The following SRGAP2 variants were observed in gnomAD, a reference collection of about 807,000 sequenced individuals.
SRGAP2 encodes SLIT-ROBO Rho GTPase activating protein 2, also known as SLIT-ROBO Rho GTPase-activating protein 2.
A neutral mutation model predicts 57.2 loss-of-function variants in SRGAP2; 15 were observed. The ratio of observed to expected loss-of-function variants is 0.26; its 90% confidence interval spans 0.18 to 0.40. The LOEUF (loss-of-function observed/expected upper bound fraction) is 0.40. Among genes scored for constraint, SRGAP2 ranks in the 10% least tolerant of loss-of-function variants. The pLI, the probability that SRGAP2 is intolerant of heterozygous loss-of-function variation, is 1.00. For synonymous variants in SRGAP2, 249 were observed against 248.0 expected (o/e 1.00, Z -0.04); for missense variants, 520 against 669.6 (o/e 0.78, Z 2.47).
chr1:206,417,143 A>C (rs1659799482), intron 11 of SRGAP2, among the ~76,000 whole-genome samples: 1 of 134,722 alleles, frequency 7.4e-6, no homozygotes, highest in East Asian at 2.1e-4. Context: ...TTGCTATGTC[A>C]CCCAGGCTGG....
At position 206,303,920 on chromosome 1, in the gene SRGAP2, T is replaced by A. The variant is rs1237219531; in HGVS notation, c.260+447T>A. On this transcript the variant is annotated intron_variant, in intron 3 of 22. Transcript: ENST00000573034. Reference sequence around the variant, plus strand: ...CACACACACACACACACACACACACTCACACTCACACACCCCTAGTAAATA... The same window carrying A: ...CACACACACACACACACACACACACACACACTCACACACCCCTAGTAAATA... Among the ~76,000 whole-genome samples the A allele has an allele frequency of 9.2e-3, 1,324 of 143,914 alleles. 6 individuals are homozygous for A. Among genetic ancestry groups the A allele is most frequent in the African/African-American group, 0.032 (1,261 of 39,376 alleles). The allele number at this position is 143,914 out of a possible 152,430, so 94.4% of individuals were successfully genotyped here.
chr1:206,436,528 A>AT (rs570151141), intron 14 of SRGAP2, among the ~76,000 whole-genome samples: 44 of 151,372 alleles, frequency 2.9e-4, no homozygotes, highest in Non-Finnish European at 5.0e-4. Flanking sequence ...CTACTTTAAA[A>AT]CATTTTTTAG....
At chr1:206,226,764 G>A (rs1667296396) in intron 2 of SRGAP2, among the ~76,000 whole-genome samples, 1 of 152,194 alleles carries the variant, frequency 6.6e-6, no homozygotes, top group Non-Finnish European at 1.5e-5. Flanking sequence ...GTTTGTTAAA[G>A]TGAATCACCT....
At chr1:206,303,886 T>TCACACACACACACA (rs1376040852) in intron 3 of SRGAP2, among the ~76,000 whole-genome samples, 5 of 132,874 alleles carry the variant, frequency 3.8e-5, no homozygotes, top group African/African-American at 1.7e-4. Flanking sequence ...TCTCTCTCTC[T>TCACACACACACACA]CTCACACACA....
Position 206,284,150 on chromosome 1 carries a change from G to A in SRGAP2, c.68-19131G>A, listed in dbSNP as rs1274640683. ...TTAAGTTTTGTTTCTACATGGTAGC[G>A]GTTACCACAGAGAGTTTCAACTGCA... On this transcript the variant is annotated intron_variant, in intron 2 of 22. Transcript: ENST00000573034. Among the ~76,000 whole-genome samples the A allele has an allele frequency of 6.6e-3, 982 of 149,328 alleles. 13 individuals are homozygous for A. The highest frequency in any genetic ancestry group is 0.023 in the African/African-American group (948 of 40,746).
intron 2 of SRGAP2, among the ~76,000 whole-genome samples, chr1:206,234,595 G>A (rs1307635452): frequency 6.6e-6 from 1 of 152,214 alleles, no homozygotes; most frequent in Non-Finnish European, 1.5e-5. Context: ...AGCAAAGCTG[G>A]GTACCTGAAT....
chr1:206,369,332 T>C lies in SRGAP2; in HGVS notation c.424-14682T>C, dbSNP rs532896032. On this transcript the variant is annotated intron_variant, in intron 4 of 22. Coordinates refer to ENST00000573034, the MANE Select transcript of SRGAP2 (RefSeq NM_015326.5). ...AAAATATAGGTGTAAGTCTTCGTGA[T>C]CTTGGATTAGGCAATGATTTCTTAC... Among the ~76,000 whole-genome samples the C allele has an allele frequency of 2.6e-5, 4 of 152,090 alleles. No homozygotes were observed. In the East Asian group the frequency reaches 5.8e-4, roughly 22 times the overall value.
At chr1:206,440,338 A>G (rs1662163610) in intron 17 of SRGAP2, among the ~76,000 whole-genome samples, 1 of 152,212 alleles carries the variant, frequency 6.6e-6, no homozygotes, top group African/African-American at 2.4e-5. Flanking sequence ...GAAGAAAAAT[A>G]AAAAAGAGTA....
rs201888099 is a variant in SRGAP2, at chr1:206,440,026, G to T, written c.1819G>T (p.Val607Phe). Residue 607 changes from valine to phenylalanine, a missense_variant, in exon 17 of 23, where the codon GTC becomes TTC. Around this residue, in one of 5 missense-constraint regions of SRGAP2, gnomAD observed 478 missense variants for 373.6 expected, o/e 1.28. Coordinates refer to ENST00000573034, the MANE Select transcript of SRGAP2 (RefSeq NM_015326.5). ...RALHIRKVLL[V>F]LPKTTLIIMR... ...TCTGCACATCCGGAAAGTCCTCCTAGTCCTGCCCAAAACCACTCTGATTAT... is the reference window on the plus strand; with the variant it reads ...TCTGCACATCCGGAAAGTCCTCCTATTCCTGCCCAAAACCACTCTGATTAT... 1.5e-5 allele frequency: 12 copies of T among 780,880 alleles called. No homozygotes were observed. Among genetic ancestry groups the T allele is most frequent in the Non-Finnish European group, 2.6e-5 (11 of 417,974 alleles). The allele number at this position is 780,880 out of a possible 1,614,324, so 48.4% of individuals were successfully genotyped here. A position where few individuals can be genotyped will look rare whatever the true frequency, so the allele number is the denominator to read the frequency against.
In SRGAP2 at chr1:206,421,860, T is replaced by G. The variant is rs554507547; in HGVS notation, c.1494+586T>G. On this transcript the variant is annotated intron_variant, in intron 13 of 22. Transcript: ENST00000573034. ...GGCAGCCAGCTCTCATTACCCATATTAGGAGGGCTCTTAGAGAGCAGTGGC... is the reference window on the plus strand; with the variant it reads ...GGCAGCCAGCTCTCATTACCCATATGAGGAGGGCTCTTAGAGAGCAGTGGC... Among the ~76,000 whole-genome samples the G allele has an allele frequency of 2.6e-5, 4 of 152,350 alleles. No homozygotes were observed. The South Asian group carries it at 8.3e-4, about 32-fold the overall frequency.
intron 2 of SRGAP2, among the ~76,000 whole-genome samples, chr1:206,212,398 A>AT (rs1178483354): frequency 5.2e-5 from 5 of 95,926 alleles, no homozygotes; most frequent in Admixed American, 1.1e-4. Context: ...CAGGCTGGTT[A>AT]TTTTTTTTTT....
chr1:206,304,161 GATC>G (rs1204146060), intron 3 of SRGAP2, among the ~76,000 whole-genome samples: 4 of 150,250 alleles, frequency 2.7e-5, no homozygotes, highest in African/African-American at 9.9e-5. Flanking sequence ...CCCTAGTTTA[GATC>G]ATCATCTTTT....
intron 5 of SRGAP2, among the ~76,000 whole-genome samples, chr1:206,388,991 T>C (rs1553349435): frequency 2.7e-5 from 4 of 150,698 alleles, no homozygotes; most frequent in African/African-American, 9.8e-5. Context: ...CTAGACCATC[T>C]CAAAATTTAA....
chr1:206,230,170 C>T (rs1384304244), intron 2 of SRGAP2, among the ~76,000 whole-genome samples: 1 of 152,002 alleles, frequency 6.6e-6, no homozygotes, highest in South Asian at 2.1e-4. Flanking sequence ...CAAAATGTTT[C>T]TACTGCATTG....
intron 4 of SRGAP2, among the ~76,000 whole-genome samples, chr1:206,348,216 G>T (rs1353339546): frequency 1.3e-5 from 2 of 151,532 alleles, no homozygotes; most frequent in Admixed American, 6.6e-5. Flanking sequence ...GACTGACTTT[G>T]TCTAGGACGA....
intron 22 of SRGAP2, among the ~76,000 whole-genome samples, chr1:206,460,189 A>G (rs573993755): frequency 4.6e-5 from 7 of 152,350 alleles, no homozygotes; most frequent in African/African-American, 1.7e-4. Context: ...AATCCCAAGA[A>G]GAAATCCTGT....
chr1:206,241,111 A>G (rs1668196812), intron 2 of SRGAP2, among the ~76,000 whole-genome samples: 1 of 152,164 alleles, frequency 6.6e-6, no homozygotes, highest in African/African-American at 2.4e-5. Context: ...CTAAGCCCGG[A>G]AGGTCGAGGC....
intron 3 of SRGAP2, among the ~76,000 whole-genome samples, chr1:206,325,359 G>A (rs1185433072): frequency 6.7e-6 from 1 of 149,954 alleles, no homozygotes; most frequent in African/African-American, 2.5e-5. Context: ...CTTTTTTTTT[G>A]TTGAGATGGG....
At chr1:206,353,724 T>TAAATAAATAAATAAATAAATAAA (rs1676212620) in intron 4 of SRGAP2, among the ~76,000 whole-genome samples, 1 of 142,996 alleles carries the variant, frequency 7.0e-6, no homozygotes, top group African/African-American at 2.8e-5. Flanking sequence ...AAATAAATAA[T>TAAATAAATAAATAAATAAATAAA]TAAAACAACC....
Sources: gnomAD v4.1 joint callset for allele counts (sites outside exome capture counted in the v4.1 genomes callset) on GRCh38, gnomAD v4.1.1 for gene constraint, gnomAD v4.1.1 regional missense constraint, MANE v1.5 for transcripts, NCBI Gene and HGNC (gene_info 2026-07-23, HGNC 2026-07-21) for gene names.